The following DCDC1 variants were observed in gnomAD, a reference collection of about 807,000 sequenced individuals.
DCDC1 encodes doublecortin domain containing 1.
DCDC1 carries 200 observed loss-of-function variants against 178.3 expected under a neutral mutation model. The ratio of observed to expected loss-of-function variants is 1.12; its 90% CI spans 1.00 to 1.26. The LOEUF (loss-of-function observed/expected upper bound fraction) is 1.26. DCDC1 is among the 50% of genes most tolerant of loss of function. The pLI is 0.00. For missense variants in DCDC1, 1,983 were observed against 1,749.2 expected (o/e 1.13, Z -2.38); for synonymous variants, 690 against 604.8 (o/e 1.14, Z -2.07).
chr11:31,013,363 TAAGG>T (rs1174697350), intron 20 of DCDC1, among the ~76,000 whole-genome samples: 2 of 152,192 alleles, frequency 1.3e-5, no homozygotes, highest in Non-Finnish European at 2.9e-5. Flanking sequence ...ACAAATTCCA[TAAGG>T]AAGGGATTAT....
chr11:31,195,896 G>T (rs556691486), intron 9 of DCDC1, among the ~76,000 whole-genome samples: 3 of 152,030 alleles, frequency 2.0e-5, no homozygotes, highest in East Asian at 3.9e-4. Flanking sequence ...GAGAACCTAG[G>T]TAATTTTCAC....
At chr11:31,347,439 A>G (rs1437057114) in intron 1 of DCDC1, among the ~76,000 whole-genome samples, 2 of 152,162 alleles carry the variant, frequency 1.3e-5, no homozygotes, top group Non-Finnish European at 2.9e-5. Context: ...CAAGTAGAAA[A>G]TTACCTTGAT....
chr11:30,987,531 A>G (rs1848394), intron 20 of DCDC1, among the ~76,000 whole-genome samples: 71,657 of 152,070 alleles, frequency 0.47, 18,206 homozygotes, highest in Middle Eastern at 0.61. Context: ...ATAAGTCAAC[A>G]TGATAGAGAT....
chr11:31,121,316 T>C (rs760074088), intron 11 of DCDC1, among the ~76,000 whole-genome samples: 2 of 151,382 alleles, frequency 1.3e-5, no homozygotes, highest in Non-Finnish European at 2.9e-5. Flanking sequence ...GTGATACAAC[T>C]CTTTCCTAAA....
chr11:31,084,970 T>G (rs1957383515), intron 17 of DCDC1, among the ~76,000 whole-genome samples: 1 of 150,986 alleles, frequency 6.6e-6, no homozygotes, highest in Non-Finnish European at 1.5e-5. Flanking sequence ...ACTTTCAGTA[T>G]CCGGTGTGCC....
At chr11:31,224,660 A>G (rs567298045) in intron 9 of DCDC1, among the ~76,000 whole-genome samples, 1 of 152,250 alleles carries the variant, frequency 6.6e-6, no homozygotes, top group Middle Eastern at 3.4e-3. Context: ...CAAATCAGCA[A>G]GAAAAACACA....
chr11:31,181,007 T>C (rs1026162887), intron 9 of DCDC1, among the ~76,000 whole-genome samples: 1 of 152,042 alleles, frequency 6.6e-6, no homozygotes, highest in Non-Finnish European at 1.5e-5. Context: ...AAGTCGACTT[T>C]GGATGCTCAA....
rs758997555 is a variant in DCDC1, at chr11:30,881,348, G to A, written c.5083-40C>T. 14 of 1,598,906 alleles carry A rather than the reference G, an allele frequency of 8.8e-6. No homozygotes were observed. In the East Asian group the frequency reaches 1.6e-4, roughly 18 times the overall value. On this transcript the variant is annotated intron_variant, in intron 36 of 38. Coordinates refer to ENST00000684477, the MANE Select transcript of DCDC1 (RefSeq NM_001387274.1). ...GACAGCCACATTTGAATACGGAATG[G>A]CACAATATGATCATGTATCAAAGAA...
chr11:31,315,306 C>CTTTTTT (rs72156406), intron 3 of DCDC1, among the ~76,000 whole-genome samples: 23 of 62,210 alleles, frequency 3.7e-4, no homozygotes, highest in East Asian at 6.0e-4. Context: ...TTTGCATACC[C>CTTTTTT]TTTTTTTTTT....
intron 9 of DCDC1, among the ~76,000 whole-genome samples, chr11:31,200,991 T>C (rs866406618): frequency 1.3e-5 from 2 of 151,878 alleles, no homozygotes; most frequent in Non-Finnish European, 2.9e-5. Context: ...TCTTCTCTAA[T>C]TGGCTCTTCC....
chr11:31,175,158 G>A (rs372443754), intron 9 of DCDC1, among the ~76,000 whole-genome samples: 13 of 152,286 alleles, frequency 8.5e-5, no homozygotes, highest in South Asian at 6.2e-4. Flanking sequence ...CCGAGCTTCC[G>A]GATGCCACTG....
At chr11:31,330,796 T>C (rs1219094594) in intron 2 of DCDC1, among the ~76,000 whole-genome samples, 4 of 152,232 alleles carry the variant, frequency 2.6e-5, no homozygotes, top group Non-Finnish European at 5.9e-5. Context: ...TTTTGGTTAC[T>C]GTAGCCTTGT....
At chr11:31,094,904 A>G (rs1374028962) in intron 15 of DCDC1, among the ~76,000 whole-genome samples, 8 of 152,088 alleles carry the variant, frequency 5.3e-5, no homozygotes, top group Non-Finnish European at 7.4e-5. Flanking sequence ...TCAACCCGTC[A>G]TCTACATTAG....
intron 36 of DCDC1, among the ~76,000 whole-genome samples, chr11:30,888,084 G>GAAAT (rs1435009697): frequency 1.1e-5 from 1 of 91,202 alleles, no homozygotes; most frequent in Non-Finnish European, 2.3e-5. Flanking sequence ...GAGAGAGAGA[G>GAAAT]AAAGAAAGAA....
At chr11:31,252,019 A>G (rs1056798084) in intron 8 of DCDC1, among the ~76,000 whole-genome samples, 5 of 152,194 alleles carry the variant, frequency 3.3e-5, no homozygotes, top group African/African-American at 7.2e-5. Flanking sequence ...CTATGAAAGA[A>G]TGAAATCGTT....
rs1282373391 is a variant in DCDC1, at chr11:31,290,628, A to G, written c.960+19T>C. 1.3e-6 allele frequency: 2 copies of G among 1,588,330 alleles called. No homozygotes were observed. The highest frequency in any genetic ancestry group is 1.8e-5 in the Admixed American group (1 of 55,174). On this transcript the variant is annotated intron_variant, in intron 7 of 38. Transcript: ENST00000684477. ...ACTTTGAAATTAAATTCATAGTTCA[A>G]TATTTAATTAAAAATTACCTTTTTC...
At chr11:31,308,386 T>G (rs1281902819) in intron 3 of DCDC1, among the ~76,000 whole-genome samples, 1 of 152,146 alleles carries the variant, frequency 6.6e-6, no homozygotes, top group South Asian at 2.1e-4. Context: ...AATCCCCCAA[T>G]AGAGAATATA....
chr11:31,068,579 T>C (rs1277257077), intron 18 of DCDC1, among the ~76,000 whole-genome samples: 5 of 152,192 alleles, frequency 3.3e-5, no homozygotes, highest in Non-Finnish European at 7.3e-5. Flanking sequence ...GGTGTGGGTA[T>C]GTGTCTCTAA....
chr11:31,130,016 T>A (rs1962219203), intron 10 of DCDC1, among the ~76,000 whole-genome samples: 1 of 152,116 alleles, frequency 6.6e-6, no homozygotes, highest in Admixed American at 6.6e-5. Flanking sequence ...AGATAATGTT[T>A]AACCCAACAC....
Sources: gnomAD v4.1 joint callset for allele counts (sites outside exome capture counted in the v4.1 genomes callset) on GRCh38, gnomAD v4.1.1 for gene constraint, MANE v1.5 for transcripts, NCBI Gene and HGNC (gene_info 2026-07-23, HGNC 2026-07-21) for gene names.